Variants in COL22A1 observed in about 807,000 individuals in gnomAD.
COL22A1 encodes collagen type XXII alpha 1 chain, also known as collagen alpha-1(XXII) chain.
In COL22A1, 221 loss-of-function variants were observed where a neutral mutation model predicts 248.9. The observed-to-expected ratio is 0.89, with a 90% CI of 0.80 to 0.99. The LOEUF (loss-of-function observed/expected upper bound fraction) is 0.99, where lower values mean the gene tolerates loss of function less well. COL22A1 is among the 50% of genes least tolerant of loss of function. The probability of loss-of-function intolerance (pLI) is 0.00; values close to 1 mark genes in which losing one functional copy is unlikely to be tolerated. For missense variants in COL22A1, 2,240 were observed against 2,179.0 expected, an observed-to-expected ratio of 1.03 and a Z score of -0.56; for synonymous variants, 891 against 793.4, an observed-to-expected ratio of 1.12 and a Z score of -2.07.
At chr8:138,740,889 AG>A (rs1362405581) in intron 22 of COL22A1, among the ~76,000 whole-genome samples, 1 of 152,112 alleles carries the variant, frequency 6.6e-6, no homozygotes, top group Non-Finnish European at 1.5e-5. Flanking sequence ...TGCCTCTCAA[AG>A]GTGGCCTTCC....
intron 35 of COL22A1, among the ~76,000 whole-genome samples, chr8:138,692,313 T>TGCGC (rs1827123212): frequency 1.9e-4 from 1 of 5,292 alleles, no homozygotes; most frequent in Admixed American, 2.0e-3. Context: ...GGTGTATGTG[T>TGCGC]GTGCATGCGT....
chr8:138,620,973 CCATCCATCCATCCATCCATCCACCCAT>C (rs1819744452), intron 52 of COL22A1, among the ~76,000 whole-genome samples: 1 of 113,990 alleles, frequency 8.8e-6, no homozygotes, highest in African/African-American at 2.8e-5. Flanking sequence ...ATCCATCCAT[CCATCCATCCATCCATCCATCCACCCAT>C]CCATCCATCC....
In COL22A1 at chr8:138,883,203, T is replaced by C. The variant is rs760526429; in HGVS notation, c.-31A>G. The C allele has an allele frequency of 6.4e-7, 1 of 1,553,644 alleles. No individual in the cohort carries two copies. The highest frequency in any genetic ancestry group is 2.4e-5 in the East Asian group (1 of 41,482). ...TCCTGTTCTTGGGGACAGGCTTCTC[T>C]TGGCCAGGAAGAGACGCTGTTAGGG... On this transcript the variant is annotated 5_prime_UTR_variant, in exon 2 of 65. Coordinates refer to ENST00000303045, the MANE Select transcript of COL22A1 (RefSeq NM_152888.3).
At chr8:138,866,188 G>A (rs1371583762) in intron 3 of COL22A1, among the ~76,000 whole-genome samples, 1 of 152,190 alleles carries the variant, frequency 6.6e-6, no homozygotes, top group African/African-American at 2.4e-5. Flanking sequence ...TAACTGCGAG[G>A]TTGTGTCAGA....
At chr8:138,608,057 T>C (rs1460155166) in intron 56 of COL22A1, 68 bp from the exon 57 acceptor site, 9 of 1,453,448 alleles carry the variant, frequency 6.2e-6, no homozygotes, top group Non-Finnish European at 8.6e-6. Context: ...AACAAAGAGA[T>C]AGACTGATGC....
chr8:138,682,405 T>C (rs1022132381), intron 39 of COL22A1, among the ~76,000 whole-genome samples: 1 of 152,202 alleles, frequency 6.6e-6, no homozygotes, highest in Non-Finnish European at 1.5e-5. Flanking sequence ...AAAGAAGTAA[T>C]ATAATTTTAC....
At chr8:138,889,464 C>CA in intron 1 of COL22A1, among the ~76,000 whole-genome samples, 1 of 151,736 alleles carries the variant, frequency 6.6e-6, no homozygotes, top group South Asian at 2.1e-4. Context: ...ATCGCAAGGA[C>CA]AAAAAACCAA....
In COL22A1 at chr8:138,770,697, A is replaced by G. The variant is rs553846820; in HGVS notation, c.1803+5269T>C. 2.0e-5 allele frequency among the ~76,000 whole-genome samples: 3 copies of G among 152,314 alleles called. No individual in the cohort carries two copies. In the South Asian group the frequency reaches 6.2e-4, roughly 32 times the overall value. The stretch of plus-strand genomic sequence containing the variant: ...TAAACTGTAAGCACCCACCAATACG[A>G]GAGCTGAAAAGGGGTGTTCGGCATC... On this transcript the variant is annotated intron_variant, in intron 16 of 64. Coordinates refer to ENST00000303045, the MANE Select transcript of COL22A1 (RefSeq NM_152888.3).
chr8:138,874,635 T>A (rs1381217578), intron 3 of COL22A1, among the ~76,000 whole-genome samples: 3 of 152,132 alleles, frequency 2.0e-5, no homozygotes, highest in Non-Finnish European at 4.4e-5. Flanking sequence ...CTGAGAGGTG[T>A]CTTGCTGTGG....
chr8:138,680,030 T>G (rs1214722717), intron 39 of COL22A1, among the ~76,000 whole-genome samples: 2 of 152,226 alleles, frequency 1.3e-5, no homozygotes, highest in South Asian at 2.1e-4. Flanking sequence ...CGGTCCACTG[T>G]GATGCTAACA....
chr8:138,691,878 AGG>A (rs1826979432), intron 35 of COL22A1, among the ~76,000 whole-genome samples: 1 of 74,938 alleles, frequency 1.3e-5, no homozygotes, highest in African/African-American at 4.8e-5. Context: ...ATGTTTGTGG[AGG>A]TGTATGTGTG....
intron 56 of COL22A1, among the ~76,000 whole-genome samples, chr8:138,613,073 C>T (rs1471966456): frequency 6.6e-6 from 1 of 151,180 alleles, no homozygotes; most frequent in South Asian, 2.1e-4. Context: ...ACAGTGAAAC[C>T]CCGTCTCTAC....
At chr8:138,633,680 C>T in intron 49 of COL22A1, among the ~76,000 whole-genome samples, 1 of 152,232 alleles carries the variant, frequency 6.6e-6, no homozygotes, top group East Asian at 1.9e-4. Context: ...TAACACCTCT[C>T]CCTACTACTG....
In COL22A1 at chr8:138,901,358, G is replaced by GTTT. The variant is rs146670099; in HGVS notation, c.-73+12258_-73+12260dup. Among the ~76,000 whole-genome samples the GTTT allele has an allele frequency of 4.6e-4, 61 of 131,500 alleles. 1 individual carries two copies. The highest frequency in any genetic ancestry group is 1.2e-3 in the African/African-American group (44 of 35,596). The allele number at this position is 131,500 out of a possible 152,430, so 86.3% of individuals were successfully genotyped here. On this transcript the variant is annotated intron_variant, in intron 1 of 64. Coordinates refer to ENST00000303045, the MANE Select transcript of COL22A1 (RefSeq NM_152888.3). ...CCTCAGATCCACTCATTACTGGCAG[G>GTTT]TTTTTTTTTTGTTTTTTTTTTTTTT...
At chr8:138,832,232 G>T (rs1820099236) in intron 5 of COL22A1, among the ~76,000 whole-genome samples, 1 of 152,154 alleles carries the variant, frequency 6.6e-6, no homozygotes, top group South Asian at 2.1e-4. Context: ...GCAGTCAGCA[G>T]CCCTTGGGGC....
chr8:138,867,713 C>T (rs552784235), intron 3 of COL22A1, among the ~76,000 whole-genome samples: 28 of 152,270 alleles, frequency 1.8e-4, no homozygotes, highest in Admixed American at 8.5e-4. Flanking sequence ...ATTTTATGTG[C>T]GTGTTCCCTC....
intron 47 of COL22A1, among the ~76,000 whole-genome samples, chr8:138,644,935 C>T (rs544613823): frequency 1.3e-4 from 20 of 152,112 alleles, no homozygotes; most frequent in African/African-American, 4.6e-4. Flanking sequence ...TAAAGATCTC[C>T]TTTCCAAGTC....
chr8:138,656,466 G>A (rs559291180), intron 44 of COL22A1, among the ~76,000 whole-genome samples: 2 of 152,228 alleles, frequency 1.3e-5, no homozygotes, highest in South Asian at 2.1e-4. Flanking sequence ...TTCCAGAAAG[G>A]GTATTTCAGA....
intron 21 of COL22A1, among the ~76,000 whole-genome samples, chr8:138,754,291 G>A (rs562285571): frequency 2.0e-5 from 3 of 152,068 alleles, no homozygotes; most frequent in East Asian, 1.9e-4. Context: ...TCTGGAAACC[G>A]AACCTGGAGA....
Sources: gnomAD v4.1 joint callset for allele counts (sites outside exome capture counted in the v4.1 genomes callset) on GRCh38, gnomAD v4.1.1 for gene constraint, MANE v1.5 for transcripts, NCBI Gene and HGNC (gene_info 2026-07-23, HGNC 2026-07-21) for gene names.